NGLY1: variants seen among roughly 807,000 people sequenced by gnomAD.
The protein encoded by NGLY1 is peptide-N(4)-(N-acetyl-beta-glucosaminyl)asparagine amidase.
NGLY1 carries 68 observed loss-of-function variants against 84.6 expected under a neutral mutation model. That is an observed-to-expected ratio of 0.80 (90% confidence interval 0.66 to 0.98). The LOEUF (loss-of-function observed/expected upper bound fraction) is 0.98. Among genes scored for constraint, NGLY1 ranks in the 50% least tolerant of loss-of-function variants. NGLY1 has a pLI of 0.00. For synonymous variants in NGLY1, 280 were observed against 275.2 expected (o/e 1.02, Z -0.17); for missense variants, 779 against 770.2 (o/e 1.01, Z -0.14).
chr3:25,736,536 A>G (rs1049190215), intron 6 of NGLY1: 44 of 611,810 alleles, frequency 7.2e-5, no homozygotes, highest in Admixed American at 3.2e-5. Context: ...CAGGAAGTCT[A>G]ATAGAATCTC....
chr3:25,741,015 C>A (rs1706109137), intron 4 of NGLY1, among the ~76,000 whole-genome samples: 1 of 151,478 alleles, frequency 6.6e-6, no homozygotes, highest in Non-Finnish European at 1.5e-5. Flanking sequence ...GTGATCCCAG[C>A]TACTTGGGAG....
intron 3 of NGLY1, among the ~76,000 whole-genome samples, chr3:25,760,666 C>A (rs186225473): frequency 6.5e-4 from 99 of 152,102 alleles, no homozygotes; most frequent in African/African-American, 2.2e-3. Context: ...TCGAGACCAG[C>A]CTGACCAACA....
intron 4 of NGLY1, among the ~76,000 whole-genome samples, chr3:25,744,072 AG>A (rs1258402063): frequency 6.6e-6 from 1 of 152,248 alleles, no homozygotes; most frequent in Non-Finnish European, 1.5e-5. Context: ...ATATAAACGT[AG>A]ATTTCTAGTA....
rs558287190 is a variant in NGLY1, at chr3:25,741,738, C to T, written c.659-1939G>A. Among the ~76,000 whole-genome samples the T allele has an allele frequency of 2.6e-5, 4 of 152,180 alleles. 1 individual carries two copies. The highest frequency in any genetic ancestry group is 7.2e-5 in the African/African-American group (3 of 41,534). On this transcript the variant is annotated intron_variant, in intron 4 of 11. Coordinates refer to ENST00000280700, the MANE Select transcript of NGLY1 (RefSeq NM_018297.4). The stretch of plus-strand genomic sequence containing the variant: ...GGGCACGGTGGCTCACGCCTATAAT[C>T]CCAGCACTTTAGGAGGCTGAGGTGG...
chr3:25,762,050 A>G (rs545079076), intron 3 of NGLY1, among the ~76,000 whole-genome samples: 47 of 152,326 alleles, frequency 3.1e-4, no homozygotes, highest in Non-Finnish European at 5.3e-4. Flanking sequence ...TTGAGTATCA[A>G]TATATTCCAG....
intron 4 of NGLY1, among the ~76,000 whole-genome samples, chr3:25,746,102 T>C (rs1476847938): frequency 6.6e-6 from 1 of 152,186 alleles, no homozygotes; most frequent in Non-Finnish European, 1.5e-5. Context: ...AACCAAAATA[T>C]GGTTTCAGCC....
intron 3 of NGLY1, among the ~76,000 whole-genome samples, chr3:25,753,608 G>A (rs1321492432): frequency 6.6e-6 from 1 of 151,734 alleles, no homozygotes; most frequent in Non-Finnish European, 1.5e-5. Flanking sequence ...GGAAGATGTT[G>A]GTAGAAAAAT....
In NGLY1 at chr3:25,739,722, T is replaced by A. The variant is rs760786749; in HGVS notation, c.736A>T (p.Asn246Tyr). ...CCACATTTGCTGCACAAAACGTTAT[T>A]CACCCAGTGAAAAAATTCTTCCTTA... ...WFKEEFFHWV[N>Y]NVLCSKCGGQ... Residue 246 changes from asparagine (N) to tyrosine (Y), a missense_variant, in exon 5 of 12, where the codon AAT becomes TAT. Transcript: ENST00000280700. The A allele has an allele frequency of 8.7e-6, 14 of 1,613,952 alleles. No homozygotes were observed. The Admixed American group carries it at 2.3e-4, about 27-fold the overall frequency.
chr3:25,783,221 C>T lies in NGLY1; in HGVS notation c.131+39G>A. 1 of 1,574,838 alleles carries T rather than the reference C, an allele frequency of 6.3e-7. No individual in the cohort carries two copies. Among genetic ancestry groups the T allele is most frequent in the Non-Finnish European group, 8.7e-7 (1 of 1,149,984 alleles). The stretch of plus-strand genomic sequence containing the variant: ...GGCCGAACAAGGTGCCGCGGCCCAC[C>T]CACCCCGGTACCCGCCGTCCGACCC... On this transcript the variant is annotated intron_variant, in intron 1 of 11. Coordinates refer to ENST00000280700, the MANE Select transcript of NGLY1 (RefSeq NM_018297.4). The surrounding 1 kb of genome is among the most constrained non-coding windows in gnomAD (Gnocchi z 4.5).
chr3:25,789,978 G>C (rs115286377), exon 1 of NGLY1: 122 of 1,333,870 alleles, frequency 9.1e-5, no homozygotes, highest in Non-Finnish European at 9.6e-5. Flanking sequence ...CTCAGCCAAG[G>C]TGACGCGGCT....
chr3:25,769,156 C>T (rs531353579), intron 2 of NGLY1, among the ~76,000 whole-genome samples: 189 of 152,000 alleles, frequency 1.2e-3, no homozygotes, highest in African/African-American at 4.1e-3. Flanking sequence ...GTCAGGAGTT[C>T]GAGACCAGTC....
At chr3:25,727,874 G>C (rs1339174264) in intron 10 of NGLY1, among the ~76,000 whole-genome samples, 2 of 152,052 alleles carry the variant, frequency 1.3e-5, no homozygotes, top group Non-Finnish European at 2.9e-5. Flanking sequence ...CTCCATTTTA[G>C]CAAGTATAGA....
intron 10 of NGLY1, among the ~76,000 whole-genome samples, chr3:25,723,428 C>T (rs1005073812): frequency 6.6e-6 from 1 of 152,138 alleles, no homozygotes; most frequent in Non-Finnish European, 1.5e-5. Context: ...CCTATTTATA[C>T]AGAAAATTCC....
At chr3:25,787,364 C>G (rs1420387588), upstream of NGLY1, among the ~76,000 whole-genome samples, 1 of 152,162 alleles carries the variant, frequency 6.6e-6, no homozygotes, top group Non-Finnish European at 1.5e-5. Context: ...CCTTCAGAGC[C>G]TCGTGTTTCA....
Position 25,769,186 on chromosome 3 carries a change from C to T in NGLY1, c.247-4875G>A, listed in dbSNP as rs781446670. Among the ~76,000 whole-genome samples, 201 of 152,022 alleles carry T rather than the reference C, an allele frequency of 1.3e-3. 2 individuals are homozygous for T. The highest frequency in any genetic ancestry group is 9.4e-4 in the Non-Finnish European group (64 of 67,970). ...CCAGTCTGGCCAACATGGTGAAACC[C>T]CATCTCTACTAAAAATACAAAAGAA... On this transcript the variant is annotated intron_variant, in intron 2 of 11. Transcript: ENST00000280700.
intron 3 of NGLY1, among the ~76,000 whole-genome samples, chr3:25,760,860 C>CAAAAAAAAAAAAAA (rs760535260): frequency 2.8e-5 from 2 of 71,674 alleles, no homozygotes; most frequent in African/African-American, 6.8e-5. Context: ...AACTCTGTCT[C>CAAAAAAAAAAAAAA]AAAAAAAAAA....
chr3:25,788,511 A>G (rs998414244), intron 1 of NGLY1, among the ~76,000 whole-genome samples: 4 of 152,252 alleles, frequency 2.6e-5, no homozygotes, highest in Non-Finnish European at 4.4e-5. Context: ...AGAAAAGGTG[A>G]TAAGAGGTAG....
intron 4 of NGLY1, chr3:25,749,418 TA>T: frequency 1.1e-6 from 1 of 903,608 alleles, no homozygotes; most frequent in Admixed American, 1.9e-5. Context: ...TTATTCACCT[TA>T]AAAAGGAAGG....
exon 1 of NGLY1, chr3:25,789,873 T>G (rs1404203783): frequency 6.4e-7 from 1 of 1,551,750 alleles, no homozygotes; most frequent in South Asian, 1.2e-5. Context: ...CATCGCGTTA[T>G]TGGCAGGTCC....
Sources: gnomAD v4.1 joint callset for allele counts (sites outside exome capture counted in the v4.1 genomes callset) on GRCh38, gnomAD v4.1.1 for gene constraint, Gnocchi (gnomAD v3.1) non-coding constraint, MANE v1.5 for transcripts, NCBI Gene and HGNC (gene_info 2026-07-23, HGNC 2026-07-21) for gene names.